The following TDRD10 variants were observed in gnomAD, a reference collection of about 807,000 sequenced individuals.
The protein encoded by TDRD10 is tudor domain containing 10, also known as tudor domain-containing protein 10.
Under a neutral mutation model 48.0 loss-of-function variants are expected in TDRD10, and 40 were observed. That is an observed-to-expected ratio of 0.83 (90% CI 0.65 to 1.09). The LOEUF (loss-of-function observed/expected upper bound fraction) is 1.09, where lower values mean the gene tolerates loss of function less well. Among genes scored for constraint, TDRD10 ranks in the 50% least tolerant of loss-of-function variants. TDRD10 has a pLI of 0.00. For synonymous variants in TDRD10, 162 were observed against 170.4 expected (o/e 0.95, Z 0.38); for missense variants, 378 against 434.7 (o/e 0.87, Z 1.16).
intron 4 of TDRD10, among the ~76,000 whole-genome samples, chr1:154,511,502 T>C (rs113915776): frequency 1.3e-5 from 2 of 150,828 alleles, no homozygotes; most frequent in African/African-American, 4.9e-5. Flanking sequence ...ATACAAATTA[T>C]TACTAATAAT....
chr1:154,521,528 A>G (rs765429729), intron 6 of TDRD10, 49 bp downstream of exon 6: 1 of 1,589,428 alleles, frequency 6.3e-7, no homozygotes, highest in Non-Finnish European at 8.6e-7. Flanking sequence ...TTCACCCTTT[A>G]GAGCGTGGCT....
intron 4 of TDRD10, among the ~76,000 whole-genome samples, chr1:154,509,062 A>G (rs913919856): frequency 3.3e-5 from 5 of 150,676 alleles, no homozygotes; most frequent in African/African-American, 1.2e-4. Flanking sequence ...AGGAGAATGA[A>G]AGTGTGATCT....
chr1:154,528,208 G>A lies in TDRD10; in HGVS notation c.369+6729G>A, dbSNP rs369075454. On this transcript the variant is annotated intron_variant, in intron 6 of 12. Coordinates refer to ENST00000368482, the MANE Select transcript of TDRD10 (RefSeq NM_182499.4). Reference sequence around the variant, plus strand: ...AACCTGGTCAACATAGGGAAACCTCGTCTCTTAAAAAAAAAAAAAAAAATT... The same window carrying A: ...AACCTGGTCAACATAGGGAAACCTCATCTCTTAAAAAAAAAAAAAAAAATT... Among the ~76,000 whole-genome samples, 539 of 111,132 alleles carry A rather than the reference G, an allele frequency of 4.9e-3. 3 individuals are homozygous for A. The highest frequency in any genetic ancestry group is 0.016 in the African/African-American group (513 of 32,192). The allele number at this position is 111,132 out of a possible 152,430, so 72.9% of individuals were successfully genotyped here.
rs6658175 is a variant in TDRD10, at chr1:154,502,854, T to A, written c.-203T>A. On this transcript the variant is annotated 5_prime_UTR_variant, in exon 1 of 13. Coordinates refer to ENST00000368482, the MANE Select transcript of TDRD10 (RefSeq NM_182499.4). ...GCTCCTGCGCTAGTTCCGTTACTCT[T>A]CGGTGGCACACGGTCCTGGGCAGCG... The A allele has an allele frequency of 0.59, 89,292 of 151,502 alleles. 26,866 individuals carry two copies. The highest frequency in any genetic ancestry group is 0.76 in the East Asian group (3,851 of 5,082). The allele number at this position is 151,502 out of a possible 1,614,324, so 9.4% of individuals were successfully genotyped here. A position where few individuals can be genotyped will look rare whatever the true frequency, so the allele number is the denominator to read the frequency against.
chr1:154,545,354 G>GAGCACAGCACTT (rs1695490749), intron 11 of TDRD10, among the ~76,000 whole-genome samples: 1 of 152,200 alleles, frequency 6.6e-6, no homozygotes. Context: ...CTAGACGCCA[G>GAGCACAGCACTT]AGCACAGCAC....
Position 154,544,778 on chromosome 1 carries a change from C to T in TDRD10, c.798-17C>T, listed in dbSNP as rs760135550. ...GGCGGAATGATTGTCCTCTGTCTTT[C>T]TCTTTTCCTCTGCCAGGTGTTGGGT... On this transcript the variant is annotated splice_polypyrimidine_tract_variant and intron_variant, in intron 10 of 12. Transcript: ENST00000368482. 1 of 1,612,846 alleles carries T rather than the reference C, an allele frequency of 6.2e-7. No individual in the cohort carries two copies. The highest frequency in any genetic ancestry group is 8.5e-7 in the Non-Finnish European group (1 of 1,179,298).
intron 4 of TDRD10, among the ~76,000 whole-genome samples, chr1:154,514,874 A>AT (rs869213486): frequency 2.7e-5 from 4 of 150,864 alleles, no homozygotes; most frequent in African/African-American, 4.9e-5. Context: ...TTATTTATTT[A>AT]TTTTTTTTTT....
intron 5 of TDRD10, among the ~76,000 whole-genome samples, chr1:154,520,954 G>A (rs535022896): frequency 5.9e-5 from 9 of 152,146 alleles, no homozygotes; most frequent in Non-Finnish European, 1.3e-4. Context: ...GCCCAGACTG[G>A]TCTGGAACTC....
intron 9 of TDRD10, 85 bp downstream of exon 9, chr1:154,544,195 G>A: frequency 1.3e-6 from 2 of 1,596,954 alleles, no homozygotes; most frequent in Non-Finnish European, 8.5e-7. Context: ...GGGCCGGTCA[G>A]TGGTGGAGAT....
intron 6 of TDRD10, among the ~76,000 whole-genome samples, chr1:154,527,398 C>G (rs1694373374): frequency 6.6e-6 from 1 of 151,190 alleles, no homozygotes; most frequent in Non-Finnish European, 1.5e-5. Flanking sequence ...AGGATACACA[C>G]TTCAGTAAAT....
At position 154,544,897 on chromosome 1, in the gene TDRD10, C is replaced by T. The variant is rs371525896; in HGVS notation, c.900C>T (p.Ser300=). The change falls in exon 11 of 13, where the codon AGC becomes AGT. Residue 300 remains serine (S), a synonymous_variant. Transcript: ENST00000368482. ...TGCAGTCTCTGCGCAGCCTAGACAG[C>T]GACGACTTCTGGACCATCCCACCCC... ...IPVQSLRSLD[S]DDFWTIPPLT... 14 of 1,614,074 alleles carry T rather than the reference C, an allele frequency of 8.7e-6. No homozygotes were observed. The highest frequency in any genetic ancestry group is 4.0e-5 in the African/African-American group (3 of 74,930).
intron 6 of TDRD10, among the ~76,000 whole-genome samples, chr1:154,526,026 A>AC (rs1348556577): frequency 6.6e-6 from 1 of 150,866 alleles, no homozygotes; most frequent in Non-Finnish European, 1.5e-5. Context: ...ATATGGTGAA[A>AC]CCCCATCTCT....
chr1:154,506,460 C>T (rs772607999), intron 1 of TDRD10, among the ~76,000 whole-genome samples: 4 of 151,770 alleles, frequency 2.6e-5, no homozygotes, highest in Non-Finnish European at 5.9e-5. Flanking sequence ...ACTGCAACCT[C>T]TGCCTCCCGA....
Position 154,544,433 on chromosome 1 carries a change from C to A in TDRD10, c.713C>A (p.Pro238His). The A allele has an allele frequency of 6.2e-7, 1 of 1,610,098 alleles. No individual in the cohort carries two copies. The highest frequency in any genetic ancestry group is 1.1e-5 in the South Asian group (1 of 89,786). The change falls in exon 10 of 13, where the codon CCC becomes CAC. Residue 238 changes from proline (P) to histidine (H), a missense_variant. Transcript: ENST00000368482. ...STLAQAEEQQ[P>H]YLEGSTVMRG... ...CTGGCTCAGGCGGAGGAGCAGCAGC[C>A]CTACCTGGAGGGCTCCACCGTTATG...
chr1:154,519,105 T>C (rs1416235824), intron 4 of TDRD10, among the ~76,000 whole-genome samples: 2 of 152,218 alleles, frequency 1.3e-5, no homozygotes, highest in Admixed American at 6.5e-5. Flanking sequence ...ATGTGTACTT[T>C]ATAGGGTGGT....
In TDRD10 at chr1:154,547,421, C is replaced by G. The variant is rs372155332; in HGVS notation, c.965C>G (p.Ser322Trp). 2 of 1,614,152 alleles carry G rather than the reference C, an allele frequency of 1.2e-6. No homozygotes were observed. The highest frequency in any genetic ancestry group is 1.7e-6 in the Non-Finnish European group (2 of 1,180,046). ...TCTTGTTTTGCAGACATTTTGAGTT[C>G]GTATGAGGTTGTCCATCGAATCCTC... ...PFMLEKDILS[S>W]YEVVHRILKG... Residue 322 changes from serine (S) to tryptophan (W), a missense_variant, in exon 12 of 13, where the codon TCG becomes TGG. Transcript: ENST00000368482.
chr1:154,543,903 G>A (rs1695395431), intron 8 of TDRD10, 60 bp from the exon 9 acceptor site: 22 of 1,599,782 alleles, frequency 1.4e-5, no homozygotes, highest in South Asian at 5.6e-5. Flanking sequence ...TGGTCCAGTC[G>A]TTCCTTTCCT....
At chr1:154,537,482 A>G (rs1173422568) in intron 6 of TDRD10, among the ~76,000 whole-genome samples, 1 of 152,214 alleles carries the variant, frequency 6.6e-6, no homozygotes, top group Non-Finnish European at 1.5e-5. Context: ...TGCACATGCA[A>G]AATTTCCACC....
intron 1 of TDRD10, among the ~76,000 whole-genome samples, chr1:154,503,279 C>T (rs918038679): frequency 1.3e-5 from 2 of 152,086 alleles, no homozygotes; most frequent in African/African-American, 2.4e-5. Flanking sequence ...TCCTCCCTCC[C>T]TTCGAAGCCC....
Sources: gnomAD v4.1 joint callset for allele counts (sites outside exome capture counted in the v4.1 genomes callset) on GRCh38, gnomAD v4.1.1 for gene constraint, MANE v1.5 for transcripts, NCBI Gene and HGNC (gene_info 2026-07-23, HGNC 2026-07-21) for gene names.